CHST9: variants seen among roughly 807,000 people sequenced by gnomAD.
The protein encoded by CHST9 is GalNAc-4-sulfotransferase 2.
In CHST9, 41 loss-of-function variants were observed where a neutral mutation model predicts 44.4. That is an observed-to-expected ratio of 0.92 (90% confidence interval 0.72 to 1.20). The LOEUF (loss-of-function observed/expected upper bound fraction) is 1.20. Among genes scored for constraint, CHST9 ranks in the 50% most tolerant of loss-of-function variants. The pLI is 0.00. For missense variants in CHST9, 504 were observed against 516.5 expected, an observed-to-expected ratio of 0.98 and a Z score of 0.23; for synonymous variants, 171 against 178.4, an observed-to-expected ratio of 0.96 and a Z score of 0.33.
chr18:27,085,801 A>G (rs1321910093), intron 2 of CHST9, among the ~76,000 whole-genome samples: 1 of 152,190 alleles, frequency 6.6e-6, no homozygotes, highest in African/African-American at 2.4e-5. Flanking sequence ...TTCTTCTACC[A>G]TAAAGACACA....
chr18:26,967,332 A>G (rs1275873689), intron 4 of CHST9, among the ~76,000 whole-genome samples: 3 of 152,128 alleles, frequency 2.0e-5, no homozygotes, highest in Non-Finnish European at 2.9e-5. Flanking sequence ...AGGGATATTT[A>G]TATTTGTCTT....
intron 2 of CHST9, among the ~76,000 whole-genome samples, chr18:27,141,039 G>T (rs2058559985): frequency 6.6e-6 from 1 of 152,156 alleles, no homozygotes; most frequent in Non-Finnish European, 1.5e-5. Context: ...GGCCAAGGCA[G>T]GTGGATCACT....
rs1351737968 is a variant in CHST9, at chr18:26,914,435, CCCTAAATTA to C, written c.*1815_*1823del. ...CTCCATAAAAAGATAATTTCAATTTCCCTAAATTACTAGGAATCTACTCTACATGGTGCA... is the reference window on the plus strand; with the variant it reads ...CTCCATAAAAAGATAATTTCAATTTCCTAGGAATCTACTCTACATGGTGCA... On this transcript the variant is annotated 3_prime_UTR_variant, in exon 6 of 6. Transcript: ENST00000618847. The C allele has an allele frequency of 6.6e-6, 1 of 152,310 alleles. No homozygotes were observed. Among genetic ancestry groups the C allele is most frequent in the Non-Finnish European group, 1.5e-5 (1 of 68,162 alleles). 9.4% of individuals were successfully genotyped at this position (152,310 alleles called of 1,614,324 possible).
At chr18:27,087,804 A>T (rs993349565) in intron 2 of CHST9, among the ~76,000 whole-genome samples, 1 of 152,202 alleles carries the variant, frequency 6.6e-6, no homozygotes, top group Non-Finnish European at 1.5e-5. Flanking sequence ...TCCCCTAGCG[A>T]ATGGCCTTTG....
chr18:26,922,445 A>G (rs1341742874), intron 5 of CHST9, among the ~76,000 whole-genome samples: 2 of 152,158 alleles, frequency 1.3e-5, no homozygotes, highest in African/African-American at 2.4e-5. Context: ...AACTGCAGCT[A>G]AATTGTAAGC....
intron 1 of CHST9, among the ~76,000 whole-genome samples, chr18:27,170,251 C>T (rs1427373225): frequency 6.6e-6 from 1 of 152,128 alleles, no homozygotes; most frequent in Non-Finnish European, 1.5e-5. Context: ...ATAAGATTCT[C>T]ACATTATCTC....
Position 26,907,927 on chromosome 18 carries a change from T to C in CHST9, c.*8332A>G. On this transcript the variant is annotated 3_prime_UTR_variant, in exon 6 of 6. Coordinates refer to ENST00000618847, the MANE Select transcript of CHST9 (RefSeq NM_031422.6). ...TCACAAAAAGACACATGCTGTATGATTCCATTTATATGAGGTATTTTAAGT... is the reference window on the plus strand; with the variant it reads ...TCACAAAAAGACACATGCTGTATGACTCCATTTATATGAGGTATTTTAAGT... 6.0e-6 allele frequency: 1 copy of C among 166,276 alleles called. No homozygotes were observed. The allele number at this position is 166,276 out of a possible 1,614,324, so 10.3% of individuals were successfully genotyped here.
chr18:27,087,145 T>A (rs1010930202), intron 2 of CHST9, among the ~76,000 whole-genome samples: 5 of 152,202 alleles, frequency 3.3e-5, no homozygotes, highest in Non-Finnish European at 5.9e-5. Flanking sequence ...TACAGAACAC[T>A]TATTAGGATA....
At chr18:26,979,812 C>G (rs1268203939) in intron 4 of CHST9, among the ~76,000 whole-genome samples, 2 of 152,138 alleles carry the variant, frequency 1.3e-5, no homozygotes, top group Non-Finnish European at 2.9e-5. Flanking sequence ...TGTCTGCCCT[C>G]TAGACCATTG....
intron 4 of CHST9, among the ~76,000 whole-genome samples, chr18:26,966,502 A>G (rs564057334): frequency 6.6e-6 from 1 of 152,360 alleles, no homozygotes; most frequent in South Asian, 2.1e-4. Flanking sequence ...ATGAATATAA[A>G]TAATACATAT....
chr18:26,954,627 C>T (rs1387156281), intron 4 of CHST9, among the ~76,000 whole-genome samples: 2 of 152,078 alleles, frequency 1.3e-5, no homozygotes, highest in African/African-American at 4.8e-5. Flanking sequence ...TATCTTCTCT[C>T]TCCAATTTTG....
chr18:26,951,987 C>G (rs547456349), intron 4 of CHST9, among the ~76,000 whole-genome samples: 2 of 152,314 alleles, frequency 1.3e-5, no homozygotes, highest in Admixed American at 6.5e-5. Context: ...TTGAGATAAA[C>G]TAGAGGTGGG....
At chr18:26,986,875 A>G (rs927397982) in intron 4 of CHST9, among the ~76,000 whole-genome samples, 1 of 152,234 alleles carries the variant, frequency 6.6e-6, no homozygotes, top group Non-Finnish European at 1.5e-5. Flanking sequence ...ATGTTTGTGT[A>G]CATATAAAAA....
chr18:27,076,225 A>G (rs2057902016), intron 2 of CHST9, among the ~76,000 whole-genome samples: 1 of 152,232 alleles, frequency 6.6e-6, no homozygotes, highest in Non-Finnish European at 1.5e-5. Context: ...TAGTTAAATG[A>G]GAGATAATTA....
At chr18:27,145,287 G>T (rs370779501) in intron 1 of CHST9, among the ~76,000 whole-genome samples, 1 of 152,154 alleles carries the variant, frequency 6.6e-6, no homozygotes, top group Non-Finnish European at 1.5e-5. Flanking sequence ...CACCTCCTAG[G>T]TTCAAGCGAT....
chr18:27,011,965 G>T (rs2057090348), intron 4 of CHST9, among the ~76,000 whole-genome samples: 1 of 152,176 alleles, frequency 6.6e-6, no homozygotes, highest in Non-Finnish European at 1.5e-5. Context: ...TTGCAACATG[G>T]AAGCAAGCTC....
intron 4 of CHST9, among the ~76,000 whole-genome samples, chr18:26,954,623 C>G (rs2056297216): frequency 6.6e-6 from 1 of 152,082 alleles, no homozygotes; most frequent in Non-Finnish European, 1.5e-5. Context: ...CTGTTATCTT[C>G]TCTCTCCAAT....
chr18:27,089,618 G>C (rs2058047634), intron 2 of CHST9, among the ~76,000 whole-genome samples: 1 of 152,248 alleles, frequency 6.6e-6, no homozygotes, highest in East Asian at 1.9e-4. Flanking sequence ...TGTCTTTATA[G>C]TAGCATGATT....
chr18:27,100,599 G>A (rs2058161862), intron 2 of CHST9, among the ~76,000 whole-genome samples: 1 of 152,140 alleles, frequency 6.6e-6, no homozygotes, highest in African/African-American at 2.4e-5. Flanking sequence ...GTGTAAAATG[G>A]TATTCAATTT....
Sources: gnomAD v4.1 joint callset for allele counts (sites outside exome capture counted in the v4.1 genomes callset) on GRCh38, gnomAD v4.1.1 for gene constraint, MANE v1.5 for transcripts, NCBI Gene and HGNC (gene_info 2026-07-23, HGNC 2026-07-21) for gene names.